DNAH9: variants seen among roughly 807,000 people sequenced by gnomAD.
DNAH9 encodes the protein DNAH9 variant protein.
Under a neutral mutation model 471.6 loss-of-function variants are expected in DNAH9, and 345 were observed. The observed-to-expected ratio is 0.73, with a 90% confidence interval of 0.67 to 0.80. The LOEUF is 0.80. Among genes scored for constraint, DNAH9 ranks in the 30% least tolerant of loss-of-function variants. The pLI, the probability that DNAH9 is intolerant of heterozygous loss-of-function variation, is 0.00. For synonymous variants in DNAH9, 2,093 were observed against 2,123.6 expected, an observed-to-expected ratio of 0.99 and a Z score of 0.40; for missense variants, 5,407 against 5,609.2, an observed-to-expected ratio of 0.96 and a Z score of 1.15.
chr17:11,743,639 G>A (rs774526798), intron 30 of DNAH9, among the ~76,000 whole-genome samples: 1 of 152,078 alleles, frequency 6.6e-6, no homozygotes, highest in East Asian at 1.9e-4. Flanking sequence ...GAAATTGATT[G>A]TCTTCTCACC....
rs1452447965 is a variant in DNAH9 at position 11,704,348 on chromosome 17, G to A, written c.5297G>A (p.Gly1766Asp). The A allele has an allele frequency of 6.2e-7, 1 of 1,614,100 alleles. No individual in the cohort carries two copies. The highest frequency in any genetic ancestry group is 1.1e-5 in the South Asian group (1 of 91,086). Residue 1766 changes from glycine to aspartate, a missense_variant, in exon 25 of 69, where the codon GGC (glycine) becomes GAC (aspartate). By Grantham distance (94) the Gly-to-Asp change is moderately conservative. Transcript: ENST00000262442. ...QLKTLITMLI[G>D]QLSKGDRQKI... is the part of the protein sequence containing the mutation. ...AAAACCCTTATCACCATGCTGATTG[G>A]CCAGCTCTCCAAGGGAGACCGGCAG...
intron 67 of DNAH9, among the ~76,000 whole-genome samples, chr17:11,949,736 C>CGGGATT (rs1975291771): frequency 6.6e-6 from 1 of 152,152 alleles, no homozygotes; most frequent in Non-Finnish European, 1.5e-5. Flanking sequence ...CTACCTCCAC[C>CGGGATT]ACAAAGTGCT....
In DNAH9 at chr17:11,795,083, CAT is replaced by C. The variant is rs751360630; in HGVS notation, c.8223+1431_8223+1432del. On this transcript the variant is annotated intron_variant, in intron 42 of 68. Transcript: ENST00000262442. ...GAACTTAAAGTATAATAAAAAAATACATATATATATATAAGACATTAAAGTTC... is the reference window on the plus strand; with the variant it reads ...GAACTTAAAGTATAATAAAAAAATACATATATATATAAGACATTAAAGTTC... 8.6e-4 allele frequency among the ~76,000 whole-genome samples: 129 copies of C among 149,370 alleles called. 1 individual carries two copies. The highest frequency in any genetic ancestry group is 1.6e-3 in the Non-Finnish European group (109 of 67,200).
At chr17:11,627,242 T>A (rs985680323) in intron 6 of DNAH9, among the ~76,000 whole-genome samples, 1 of 152,234 alleles carries the variant, frequency 6.6e-6, no homozygotes, top group Non-Finnish European at 1.5e-5. Flanking sequence ...AAAAGTAGAA[T>A]AGTTAAATAA....
intron 17 of DNAH9, among the ~76,000 whole-genome samples, chr17:11,670,537 T>C (rs1423224203): frequency 6.6e-6 from 1 of 152,122 alleles, no homozygotes; most frequent in Non-Finnish European, 1.5e-5. Context: ...CTCCTCAGTT[T>C]AGTGCTGGTT....
At chr17:11,894,622 C>T (rs566001783) in intron 59 of DNAH9, 126 bp downstream of exon 59, 49 of 1,273,614 alleles carry the variant, frequency 3.8e-5, no homozygotes, top group African/African-American at 2.2e-4. Context: ...TAAACATAGG[C>T]GCATCCCTTT....
At chr17:11,849,376 C>T (rs185997204) in intron 49 of DNAH9, among the ~76,000 whole-genome samples, 78 of 152,280 alleles carry the variant, frequency 5.1e-4, no homozygotes, top group Admixed American at 4.6e-3. Context: ...CATTCCCTGC[C>T]GAAAACACAC....
At chr17:11,893,201 GC>G (rs1329919752) in intron 58 of DNAH9, among the ~76,000 whole-genome samples, 1 of 98,964 alleles carries the variant, frequency 1.0e-5, no homozygotes, top group Non-Finnish European at 2.4e-5. Context: ...AAAAATGTGG[GC>G]CCCACCTCTC....
At chr17:11,793,732 C>CA (rs3833155) in intron 42 of DNAH9, 68 bp downstream of exon 42, 828,784 of 1,204,822 alleles carry the variant, frequency 0.69, 291,979 homozygotes, top group African/African-American at 0.9. Context: ...GATGATCACC[C>CA]AATGATAAAA....
intron 12 of DNAH9, among the ~76,000 whole-genome samples, chr17:11,648,225 T>A (rs903457813): frequency 6.6e-6 from 1 of 152,228 alleles, no homozygotes; most frequent in Admixed American, 6.5e-5. Context: ...AAAACCAAGC[T>A]GATAGCATAT....
chr17:11,948,937 C>T (rs532821314), intron 67 of DNAH9, among the ~76,000 whole-genome samples: 3 of 152,272 alleles, frequency 2.0e-5, no homozygotes, highest in East Asian at 1.9e-4. Flanking sequence ...ACTGAACGCC[C>T]GCTGCATGAC....
chr17:11,803,932 G>A (rs868228855), intron 43 of DNAH9, among the ~76,000 whole-genome samples: 2 of 152,186 alleles, frequency 1.3e-5, no homozygotes, highest in African/African-American at 4.8e-5. Context: ...CCTTCATCAG[G>A]CACCATCTCA....
intron 32 of DNAH9, among the ~76,000 whole-genome samples, chr17:11,752,537 C>T (rs913885045): frequency 1.2e-4 from 19 of 152,074 alleles, no homozygotes; most frequent in Non-Finnish European, 2.6e-4. Context: ...CATGGTGGCA[C>T]GCATCTCTAG....
chr17:11,915,824 A>T (rs1009837555), intron 61 of DNAH9, among the ~76,000 whole-genome samples: 10 of 152,222 alleles, frequency 6.6e-5, no homozygotes, highest in Non-Finnish European at 1.5e-4. Context: ...CACTCTATGT[A>T]TTTGCTTCAG....
chr17:11,610,416 C>T lies in DNAH9; in HGVS notation c.635C>T (p.Ser212Leu). Residue 212 changes from serine (S) to leucine (L), a missense_variant, in exon 3 of 69, where the codon TCA (serine) becomes TTA (leucine). Ser to Leu is a moderately radical substitution (Grantham distance 145). Transcript: ENST00000262442. ...CACAGCTTGGATTCTATAGATAAGT[C>T]AGTCATCTATGCCATTGAGTCTGCA... ...SETVLDSIDK[S>L]VIYAIESAVI... is the part of the protein sequence containing the mutation. The T allele has an allele frequency of 6.2e-7, 1 of 1,612,996 alleles. No homozygotes were observed. The highest frequency in any genetic ancestry group is 2.2e-5 in the East Asian group (1 of 44,846).
At chr17:11,885,017 G>A (rs1444799306) in intron 56 of DNAH9, among the ~76,000 whole-genome samples, 1 of 151,716 alleles carries the variant, frequency 6.6e-6, no homozygotes, top group Non-Finnish European at 1.5e-5. Flanking sequence ...TCCTTTTGTT[G>A]TTCAGTTTCT....
chr17:11,957,234 ATG>A (rs1225559337), intron 67 of DNAH9, among the ~76,000 whole-genome samples: 2 of 152,144 alleles, frequency 1.3e-5, no homozygotes, highest in Non-Finnish European at 2.9e-5. Context: ...AATAGCCCAT[ATG>A]TGTTTAAAAA....
intron 19 of DNAH9, among the ~76,000 whole-genome samples, chr17:11,685,252 A>G (rs956007856): frequency 7.9e-5 from 12 of 152,002 alleles, no homozygotes; most frequent in East Asian, 1.9e-4. Context: ...TTTCAGGGGG[A>G]AAAAAAACAG....
chr17:11,729,826 A>T (rs979708309), intron 28 of DNAH9, among the ~76,000 whole-genome samples: 8 of 152,204 alleles, frequency 5.3e-5, no homozygotes. Flanking sequence ...TTTCACAGGT[A>T]GGTGTGGACG....
Sources: gnomAD v4.1 joint callset for allele counts (sites outside exome capture counted in the v4.1 genomes callset) on GRCh38, gnomAD v4.1.1 for gene constraint, MANE v1.5 for transcripts, NCBI Gene and HGNC (gene_info 2026-07-23, HGNC 2026-07-21) for gene names.